Variants in MTFR2 observed in about 807,000 individuals in gnomAD.
The protein encoded by MTFR2 is DUF729 domain-containing protein 1.
MTFR2 carries 44 observed loss-of-function variants against 41.2 expected under a neutral mutation model. The ratio of observed to expected loss-of-function variants is 1.07; its 90% CI spans 0.84 to 1.37. The LOEUF (loss-of-function observed/expected upper bound fraction) is 1.37, where lower values mean the gene tolerates loss of function less well. Ranked by LOEUF, MTFR2 falls within the 40% of genes most tolerant of loss-of-function variation. The probability of loss-of-function intolerance (pLI) is 0.00; values close to 1 mark genes in which losing one functional copy is unlikely to be tolerated. For synonymous variants in MTFR2, 141 were observed against 154.6 expected (o/e 0.91, Z 0.65); for missense variants, 452 against 459.5 (o/e 0.98, Z 0.15).
At chr6:136,239,865 T>G in intron 5 of MTFR2, 45 bp from the exon 6 acceptor site, 50 of 1,437,100 alleles carry the variant, frequency 3.5e-5, no homozygotes, top group Non-Finnish European at 4.3e-5. Context: ...CAATTATCTC[T>G]AACGTAATAT....
At position 136,241,439 on chromosome 6, in the gene MTFR2, C is replaced by T; in HGVS notation, c.514+5G>A. ...AACTGAAACAAAAATCCTACTGTTA[C>T]TTACTAGAATTTGTACTATTTTTCA... On this transcript the variant is annotated splice_donor_5th_base_variant and intron_variant, in intron 5 of 7. Transcript: ENST00000420702. The T allele has an allele frequency of 6.2e-7, 1 of 1,605,772 alleles. No homozygotes were observed. Among genetic ancestry groups the T allele is most frequent in the Middle Eastern group, 1.7e-4 (1 of 6,036 alleles).
intron 6 of MTFR2, among the ~76,000 whole-genome samples, chr6:136,238,485 T>C (rs1439412872): frequency 1.3e-5 from 2 of 151,748 alleles, no homozygotes; most frequent in African/African-American, 4.8e-5. Flanking sequence ...AATCAAACTA[T>C]AGAAGTAGAA....
chr6:136,237,635 C>A (rs1191644163), intron 6 of MTFR2, among the ~76,000 whole-genome samples: 1 of 149,936 alleles, frequency 6.7e-6, no homozygotes, highest in Non-Finnish European at 1.5e-5. Context: ...CATGGTGAAA[C>A]CCTGTCTCTA....
rs372791220 is a variant in MTFR2 at position 136,239,467 on chromosome 6, G to A, written c.868C>T (p.Arg290Trp). Reference sequence around the variant, plus strand: ...ACTTTTCAAATTACAACAACATACCGCTCAATTGCACGAAGCTTAACCTTA... The same window carrying A: ...ACTTTTCAAATTACAACAACATACCACTCAATTGCACGAAGCTTAACCTTA... ...MNKVKLRAIE[R>W]SPGGRPIHKR... The change falls in exon 6 of 8, where the codon CGG becomes TGG. Residue 290 changes from arginine (R) to tryptophan (W), a missense_variant and splice_region_variant. By Grantham distance (101) the Arg-to-Trp change is moderately radical. Transcript: ENST00000420702. 52 of 1,586,116 alleles carry A rather than the reference G, an allele frequency of 3.3e-5. No homozygotes were observed. Among genetic ancestry groups the A allele is most frequent in the African/African-American group, 4.0e-5 (3 of 74,156 alleles).
At chr6:136,238,249 CT>C (rs1779957923) in intron 6 of MTFR2, among the ~76,000 whole-genome samples, 1 of 152,142 alleles carries the variant, frequency 6.6e-6, no homozygotes, top group African/African-American at 2.4e-5. Context: ...ATACAGCATG[CT>C]AAGTGAAATA....
At chr6:136,249,293 AAAGG>A (rs1417480081) in intron 1 of MTFR2, 140 bp from the exon 2 acceptor site, 1 of 511,386 alleles carries the variant, frequency 2.0e-6, no homozygotes, top group African/African-American at 2.0e-5. Context: ...AGAGAAAAAG[AAAGG>A]AAGGGGAAGT....
intron 2 of MTFR2, among the ~76,000 whole-genome samples, chr6:136,245,726 TA>T (rs1562213999): frequency 1.3e-5 from 2 of 152,264 alleles, no homozygotes; most frequent in African/African-American, 4.8e-5. Flanking sequence ...AGGTCAGGTG[TA>T]AAATTTTCCC....
At chr6:136,237,221 A>T (rs1476697001) in intron 6 of MTFR2, among the ~76,000 whole-genome samples, 1 of 152,216 alleles carries the variant, frequency 6.6e-6, no homozygotes, top group Non-Finnish European at 1.5e-5. Flanking sequence ...TCCTCTCCCT[A>T]ATCACTAAAC....
intron 6 of MTFR2, among the ~76,000 whole-genome samples, chr6:136,235,840 G>A (rs1307854550): frequency 6.6e-6 from 1 of 152,156 alleles, no homozygotes; most frequent in Non-Finnish European, 1.5e-5. Context: ...GCCGAGGCAG[G>A]AGAATCACTT....
chr6:136,245,362 T>C (rs569697542), intron 2 of MTFR2, among the ~76,000 whole-genome samples: 1 of 152,230 alleles, frequency 6.6e-6, no homozygotes. Context: ...CAATTCAGAG[T>C]TATTTACATA....
intron 2 of MTFR2, 57 bp from the exon 3 acceptor site, chr6:136,244,926 A>G: frequency 7.6e-7 from 1 of 1,308,340 alleles, no homozygotes; most frequent in Non-Finnish European, 1.1e-6. Context: ...TATTTATATA[A>G]GTATGAAAAA....
chr6:136,242,753 C>T lies in MTFR2; in HGVS notation c.281+108G>A, dbSNP rs1048466582. The T allele has an allele frequency of 2.3e-5, 17 of 752,774 alleles. No individual in the cohort carries two copies. The South Asian group carries it at 3.0e-4, about 13-fold the overall frequency. The allele number at this position is 752,774 out of a possible 1,614,324, so 46.6% of individuals were successfully genotyped here. On this transcript the variant is annotated intron_variant, in intron 4 of 7. Transcript: ENST00000420702. The stretch of plus-strand genomic sequence containing the variant: ...TAAGAAGATACAGTAGGGCACAGCA[C>T]AGTTTGAAGATAAACAAAACAAAAA...
rs1779740165 is a variant in MTFR2, at chr6:136,231,107, C to G, written c.*168G>C. The G allele has an allele frequency of 1.8e-6, 1 of 542,586 alleles. No individual in the cohort carries two copies. Among genetic ancestry groups the G allele is most frequent in the Admixed American group, 3.5e-5 (1 of 28,872 alleles). The allele number at this position is 542,586 out of a possible 1,614,324, so 33.6% of individuals were successfully genotyped here. ...TAAACGTAAAAAGGAACAAAGGAAACAAAAATGACAGGCATACATATTTAC... is the reference window on the plus strand; with the variant it reads ...TAAACGTAAAAAGGAACAAAGGAAAGAAAAATGACAGGCATACATATTTAC... On this transcript the variant is annotated 3_prime_UTR_variant, in exon 8 of 8. Coordinates refer to ENST00000420702, the MANE Select transcript of MTFR2 (RefSeq NM_001099286.3).
chr6:136,241,092 A>G (rs1780059600), intron 5 of MTFR2, among the ~76,000 whole-genome samples: 1 of 138,714 alleles, frequency 7.2e-6, no homozygotes, highest in Admixed American at 6.9e-5. Context: ...CTGCGTCTCA[A>G]AAAAAAAAAA....
intron 6 of MTFR2, among the ~76,000 whole-genome samples, chr6:136,236,215 GAGA>G (rs1431120665): frequency 6.6e-6 from 1 of 152,162 alleles, no homozygotes; most frequent in East Asian, 1.9e-4. Flanking sequence ...CAGGTGTGAG[GAGA>G]AGGATGAAGT....
intron 4 of MTFR2, 134 bp from the exon 5 acceptor site, chr6:136,241,810 G>A: frequency 1.4e-6 from 1 of 698,244 alleles, no homozygotes; most frequent in Non-Finnish European, 2.3e-6. Flanking sequence ...CGGGCACAGT[G>A]GCTCACACCT....
At chr6:136,244,968 T>G (rs1780178060) in intron 2 of MTFR2, 99 bp from the exon 3 acceptor site, 2 of 849,870 alleles carry the variant, frequency 2.4e-6, no homozygotes, top group South Asian at 1.8e-5. Flanking sequence ...AAAGACGCAG[T>G]GGCATTTTTT....
intron 3 of MTFR2, among the ~76,000 whole-genome samples, chr6:136,243,543 C>A (rs1054437267): frequency 1.3e-5 from 2 of 151,680 alleles, no homozygotes; most frequent in African/African-American, 4.8e-5. Context: ...CCCGTCTCTA[C>A]CAGACCAAAA....
chr6:136,235,262 A>AGGTTTTCAAGGTGGCGGAAAAGAACG (rs1779874801), intron 6 of MTFR2, among the ~76,000 whole-genome samples: 1 of 152,200 alleles, frequency 6.6e-6, no homozygotes, highest in African/African-American at 2.4e-5. Context: ...GGGAAAGAAC[A>AGGTTTTCAAGGTGGCGGAAAAGAACG]GGTTTTCAAG....
Sources: gnomAD v4.1 joint callset for allele counts (sites outside exome capture counted in the v4.1 genomes callset) on GRCh38, gnomAD v4.1.1 for gene constraint, MANE v1.5 for transcripts, NCBI Gene and HGNC (gene_info 2026-07-23, HGNC 2026-07-21) for gene names.